WDFY4: variants seen among roughly 807,000 people sequenced by gnomAD.
WDFY4 encodes the protein WD repeat- and FYVE domain-containing protein 4.
WDFY4 carries 169 observed loss-of-function variants against 351.9 expected under a neutral mutation model. That is an observed-to-expected ratio of 0.48 (90% confidence interval 0.42 to 0.55). The LOEUF (loss-of-function observed/expected upper bound fraction) is 0.55, where lower values mean the gene tolerates loss of function less well. Among genes scored for constraint, WDFY4 ranks in the 20% least tolerant of loss-of-function variants. WDFY4 has a pLI of 0.00. For synonymous variants in WDFY4, 1,622 were observed against 1,574.6 expected, an observed-to-expected ratio of 1.03 and a Z score of -0.71; for missense variants, 3,803 against 3,935.6, an observed-to-expected ratio of 0.97 and a Z score of 0.90.
At chr10:48,937,860 T>C (rs1840486103) in intron 47 of WDFY4, among the ~76,000 whole-genome samples, 1 of 152,028 alleles carries the variant, frequency 6.6e-6, no homozygotes, top group South Asian at 2.1e-4. Flanking sequence ...TTAGGAGAAA[T>C]AAATGGGGAG....
intron 47 of WDFY4, among the ~76,000 whole-genome samples, chr10:48,921,577 A>G (rs557075457): frequency 3.8e-4 from 55 of 143,182 alleles, no homozygotes; most frequent in African/African-American, 1.0e-3. Flanking sequence ...GATAGTATTA[A>G]TAAGTTGAAC....
chr10:48,832,314 C>T (rs1268661164), intron 38 of WDFY4, among the ~76,000 whole-genome samples: 2 of 152,242 alleles, frequency 1.3e-5, no homozygotes, highest in Non-Finnish European at 2.9e-5. Context: ...AGTTAATCTG[C>T]TCAACATCTC....
chr10:48,927,127 C>A (rs1364322358), intron 47 of WDFY4, among the ~76,000 whole-genome samples: 1 of 151,990 alleles, frequency 6.6e-6, no homozygotes, highest in Non-Finnish European at 1.5e-5. Context: ...TGATTTTTAC[C>A]GTGTGAGCTC....
At chr10:48,701,108 G>A (rs78468566) in intron 1 of WDFY4, among the ~76,000 whole-genome samples, 3,313 of 152,170 alleles carry the variant, frequency 0.022, 121 homozygotes, top group African/African-American at 0.076. Context: ...CAGTCTCTGG[G>A]AACCACCATT....
At chr10:48,874,251 T>C (rs2133289355) in intron 41 of WDFY4, among the ~76,000 whole-genome samples, 1 of 152,358 alleles carries the variant, frequency 6.6e-6, no homozygotes, top group South Asian at 2.1e-4. Flanking sequence ...CCTGGGAGTT[T>C]GCTCTAATGA....
At chr10:48,919,074 A>C (rs898772863) in intron 47 of WDFY4, among the ~76,000 whole-genome samples, 14 of 152,242 alleles carry the variant, frequency 9.2e-5, no homozygotes, top group African/African-American at 3.1e-4. Flanking sequence ...ATTTTGGGTC[A>C]TGAAACAAGC....
intron 51 of WDFY4, among the ~76,000 whole-genome samples, chr10:48,948,877 G>T (rs1420537778): frequency 6.6e-6 from 1 of 152,202 alleles, no homozygotes; most frequent in Admixed American, 6.5e-5. Context: ...AGGCAGTCTG[G>T]ACTGCATCAA....
At chr10:48,898,742 T>A (rs898220728) in intron 45 of WDFY4, among the ~76,000 whole-genome samples, 1 of 152,164 alleles carries the variant, frequency 6.6e-6, no homozygotes, top group African/African-American at 2.4e-5. Context: ...CACAGTTAGT[T>A]CTCATTTTGC....
chr10:48,774,366 A>G (rs971953206), intron 13 of WDFY4, 92 bp from the exon 14 acceptor site: 1 of 1,355,596 alleles, frequency 7.4e-7, no homozygotes, highest in Admixed American at 2.0e-5. Context: ...TCCTTGTTCC[A>G]CAACTCACCC....
At chr10:48,775,637 G>C (rs941749194) in intron 14 of WDFY4, 75 bp from the exon 15 acceptor site, 1 of 1,402,520 alleles carries the variant, frequency 7.1e-7, no homozygotes, top group African/African-American at 1.4e-5. Context: ...ATCTAGGACA[G>C]TTGTCAGGAT....
intron 12 of WDFY4, among the ~76,000 whole-genome samples, chr10:48,744,459 G>A (rs146304271): frequency 2.0e-5 from 3 of 152,242 alleles, no homozygotes; most frequent in African/African-American, 7.2e-5. Flanking sequence ...GCATTCCTGC[G>A]CAAACCAACT....
At chr10:48,863,806 G>A (rs190987027) in intron 39 of WDFY4, among the ~76,000 whole-genome samples, 1 of 152,276 alleles carries the variant, frequency 6.6e-6, no homozygotes, top group Non-Finnish European at 1.5e-5. Context: ...TCACAGTTTG[G>A]CATGGCTGGG....
chr10:48,978,548 A>T (rs1320079302), intron 60 of WDFY4, among the ~76,000 whole-genome samples, 155 bp downstream of exon 60: 1 of 152,168 alleles, frequency 6.6e-6, no homozygotes, highest in Non-Finnish European at 1.5e-5. Flanking sequence ...ACTTGCCCAA[A>T]GTCACCCAGC....
At chr10:48,705,652 C>T (rs1012628416) in intron 1 of WDFY4, among the ~76,000 whole-genome samples, 17 of 152,260 alleles carry the variant, frequency 1.1e-4, no homozygotes, top group African/African-American at 2.4e-4. Context: ...GCTGCTGCCA[C>T]GCAATTTCAG....
In WDFY4 at chr10:48,976,956, G is replaced by A. The variant is rs1172811261; in HGVS notation, c.9268G>A (p.Gly3090Arg). Reference protein sequence around the residue: ...AWDTSQIIITGSQDGMVRVWK... With the variant: ...AWDTSQIIITRSQDGMVRVWK... ...GGACACAAGCCAGATCATCATCACC[G>A]GGAGTCAAGACGGCATGGTCCGGGT... The change falls in exon 59 of 62, where the codon GGG (glycine) becomes AGG (arginine). Residue 3090 changes from glycine to arginine, a missense_variant. Transcript: ENST00000325239. 7.4e-6 allele frequency: 11 copies of A among 1,490,606 alleles called. No individual in the cohort carries two copies. Among genetic ancestry groups the A allele is most frequent in the Non-Finnish European group, 9.0e-6 (10 of 1,113,220 alleles). 92.3% of individuals were successfully genotyped at this position (1,490,606 alleles called of 1,614,324 possible).
Position 48,910,386 on chromosome 10 carries a change from T to C in WDFY4, c.7586+8523T>C, listed in dbSNP as rs556480401. The C allele has an allele frequency of 1.1e-4, 87 of 792,560 alleles. 3 individuals carry two copies. The South Asian group carries it at 1.2e-3, about 11-fold the overall frequency. 49.1% of individuals were successfully genotyped at this position (792,560 alleles called of 1,614,324 possible). Reference sequence around the variant, plus strand: ...TTCAGGATGGTCAGGTTAGTGTGAATGGGGGTTTTGTTGTATTTGAGGAAA... The same window carrying C: ...TTCAGGATGGTCAGGTTAGTGTGAACGGGGGTTTTGTTGTATTTGAGGAAA... On this transcript the variant is annotated intron_variant, in intron 47 of 61. Transcript: ENST00000325239.
At position 48,894,705 on chromosome 10, in the gene WDFY4, G is replaced by A. The variant is rs139883472; in HGVS notation, c.7317-2749G>A. On this transcript the variant is annotated intron_variant, in intron 44 of 61. Coordinates refer to ENST00000325239, the MANE Select transcript of WDFY4 (RefSeq NM_001394531.1). ...TAGGGTCTGCAGGGGAGAGAGAACAGCCAGACCTGCAGCTAAGGTATGGAG... is the reference window on the plus strand; with the variant it reads ...TAGGGTCTGCAGGGGAGAGAGAACAACCAGACCTGCAGCTAAGGTATGGAG... Among the ~76,000 whole-genome samples, 732 of 152,308 alleles carry A rather than the reference G, an allele frequency of 4.8e-3. 13 individuals are homozygous for A. The highest frequency in any genetic ancestry group is 0.017 in the African/African-American group (703 of 41,560).
chr10:48,696,222 C>T (rs1006380266), intron 1 of WDFY4, among the ~76,000 whole-genome samples: 5 of 152,220 alleles, frequency 3.3e-5, no homozygotes, highest in Non-Finnish European at 5.9e-5. Flanking sequence ...TGTCTAGGGC[C>T]GCACCGAGGT....
At chr10:48,734,932 T>A (rs908286358) in intron 10 of WDFY4, among the ~76,000 whole-genome samples, 5 of 144,646 alleles carry the variant, frequency 3.5e-5, no homozygotes, top group African/African-American at 1.3e-4. Flanking sequence ...CACGCCGCCA[T>A]GCACGGCTAA....
Sources: allele counts gnomAD v4.1 joint callset (sites outside exome capture counted in the v4.1 genomes callset), GRCh38; gene constraint gnomAD v4.1.1; transcripts MANE v1.5; gene names NCBI Gene and HGNC (gene_info 2026-07-23, HGNC 2026-07-21).